The following EMILIN2 variants were observed in gnomAD, a reference collection of about 807,000 sequenced individuals.
The protein encoded by EMILIN2 is EMILIN-2.
EMILIN2 carries 71 observed loss-of-function variants against 87.1 expected under a neutral mutation model. That is an observed-to-expected ratio of 0.82 (90% CI 0.67 to 0.99). The LOEUF (loss-of-function observed/expected upper bound fraction) is 0.99. EMILIN2 is among the 50% of genes least tolerant of loss of function. EMILIN2 has a pLI of 0.00. For synonymous variants in EMILIN2, 581 were observed against 563.4 expected (o/e 1.03, Z -0.44); for missense variants, 1,407 against 1,371.8 (o/e 1.03, Z -0.40).
At chr18:2,873,744 G>GA in intron 2 of EMILIN2, among the ~76,000 whole-genome samples, 1 of 152,066 alleles carries the variant, frequency 6.6e-6, no homozygotes, top group East Asian at 1.9e-4. Flanking sequence ...TTAAAAAATG[G>GA]AAAAAATCGT....
rs182394578 is a variant in EMILIN2 at position 2,905,322 on chromosome 18, T to C, written c.2360-1461T>C. Among the ~76,000 whole-genome samples the C allele has an allele frequency of 1.1e-3, 155 of 147,182 alleles. 2 individuals are homozygous for C. In the East Asian group the frequency reaches 0.028, roughly 26 times the overall value. On this transcript the variant is annotated intron_variant, in intron 4 of 7. Transcript: ENST00000254528. ...GGGCGGGGGGGGGGCATGTATTTGATCTGCCATATTTATCTTAGTTTTATT... is the reference window on the plus strand; with the variant it reads ...GGGCGGGGGGGGGGCATGTATTTGACCTGCCATATTTATCTTAGTTTTATT...
intron 5 of EMILIN2, among the ~76,000 whole-genome samples, chr18:2,908,297 G>GCCAC: frequency 6.6e-6 from 1 of 151,986 alleles, no homozygotes; most frequent in South Asian, 2.1e-4. Context: ...CTTCCATCCA[G>GCCAC]CCACCCACCC....
intron 4 of EMILIN2, among the ~76,000 whole-genome samples, chr18:2,896,574 A>G (rs966675383): frequency 6.6e-6 from 1 of 152,204 alleles, no homozygotes; most frequent in African/African-American, 2.4e-5. Flanking sequence ...TCCTAGGTTC[A>G]GGTGATCCTC....
chr18:2,883,477 A>G (rs1398652536), intron 2 of EMILIN2, among the ~76,000 whole-genome samples: 1 of 152,232 alleles, frequency 6.6e-6, no homozygotes, highest in East Asian at 1.9e-4. Context: ...GAGGAGCTGA[A>G]GAGCTTCAAG....
In EMILIN2 at chr18:2,894,249, G is replaced by C. The variant is rs1391716448; in HGVS notation, c.2359+1763G>C. ...GGTCCTGGCAGCTCAGGAGGGTGGA[G>C]AGGGTCCGAGGTAGGTGGGAAAATG... On this transcript the variant is annotated intron_variant, in intron 4 of 7. Coordinates refer to ENST00000254528, the MANE Select transcript of EMILIN2 (RefSeq NM_032048.3). This position sits in a 1 kb window ranked among gnomAD's most constrained non-coding sequence, Gnocchi z 5.0. Among the ~76,000 whole-genome samples the C allele has an allele frequency of 6.6e-6, 1 of 152,160 alleles. No individual in the cohort carries two copies. The highest frequency in any genetic ancestry group is 1.9e-4 in the East Asian group (1 of 5,194).
At chr18:2,905,145 T>C (rs191710755) in intron 4 of EMILIN2, among the ~76,000 whole-genome samples, 48 of 152,070 alleles carry the variant, frequency 3.2e-4, no homozygotes, top group African/African-American at 1.1e-3. Context: ...GTATCTAGAA[T>C]GGAATTAGCT....
In EMILIN2 at chr18:2,891,442, G is replaced by T. The variant is rs1347750948; in HGVS notation, c.1315G>T (p.Val439Phe). The change falls in exon 4 of 8, where the codon GTT becomes TTT. Residue 439 changes from valine (V) to phenylalanine (F), a missense_variant. Val to Phe is a conservative substitution (Grantham distance 50, BLOSUM62 -1). Coordinates refer to ENST00000254528, the MANE Select transcript of EMILIN2 (RefSeq NM_032048.3). This position sits in a 1 kb window ranked among gnomAD's most constrained non-coding sequence, Gnocchi z 4.6. ...GGACAATGAGTTTGACCGCCTTATA[G>T]TTCCAGAGCCAGATGTGGATTTTGA... The part of the protein sequence containing the change: ...RLDNEFDRLI[V>F]PEPDVDFDAK... 5.0e-6 allele frequency: 8 copies of T among 1,614,210 alleles called. No homozygotes were observed. In the South Asian group the frequency reaches 8.8e-5, roughly 18 times the overall value.
chr18:2,870,415 T>C (rs1216297908), intron 2 of EMILIN2, among the ~76,000 whole-genome samples: 2 of 152,238 alleles, frequency 1.3e-5, no homozygotes, highest in African/African-American at 4.8e-5. Context: ...ATTAAACAAA[T>C]ATTTTTGTTC....
intron 4 of EMILIN2, among the ~76,000 whole-genome samples, chr18:2,893,871 A>G (rs575889058): frequency 6.6e-6 from 1 of 152,200 alleles, no homozygotes; most frequent in South Asian, 2.1e-4. Context: ...GCGTCCAAGA[A>G]TTGTTTTCTT....
Position 2,890,948 on chromosome 18 carries a change from A to G in EMILIN2, c.821A>G (p.Lys274Arg), listed in dbSNP as rs150417410. The G allele has an allele frequency of 1.3e-4, 207 of 1,614,178 alleles. No homozygotes were observed. The African/African-American group carries it at 2.6e-3, about 20-fold the overall frequency. ...SELAEVKDTL[K>R]NKSDKLEELD... ...TTGGCTGAAGTCAAAGATACTCTAA[A>G]GAACAAAAGTGACAAGCTGGAAGAG... Residue 274 changes from lysine (K) to arginine (R), a missense_variant, in exon 4 of 8, where the codon AAG (lysine) becomes AGG (arginine). Lys to Arg is a conservative substitution (Grantham distance 26). Transcript: ENST00000254528. This position sits in a 1 kb window ranked among gnomAD's most constrained non-coding sequence, Gnocchi z 4.7.
chr18:2,913,345 G>C lies in EMILIN2; in HGVS notation c.3103G>C (p.Asp1035His). The change falls in exon 8 of 8, where the codon GAT becomes CAT. Residue 1035 changes from aspartate to histidine, a missense_variant. Asp to His is a moderately conservative substitution (Grantham distance 81, BLOSUM62 -1). Transcript: ENST00000254528. ...TGGKLAHTDF[D>H]EMYSTFSGVF... ...GGGCAAGCTGGCTCACACAGACTTTGATGAAATGTACTCCACATTTAGTGG... is the reference window on the plus strand; with the variant it reads ...GGGCAAGCTGGCTCACACAGACTTTCATGAAATGTACTCCACATTTAGTGG... The C allele has an allele frequency of 6.2e-7, 1 of 1,612,486 alleles. No individual in the cohort carries two copies. Among genetic ancestry groups the C allele is most frequent in the East Asian group, 2.2e-5 (1 of 44,870 alleles).
intron 2 of EMILIN2, among the ~76,000 whole-genome samples, chr18:2,872,885 ATATTT>A (rs2076727220): frequency 1.3e-5 from 2 of 152,182 alleles, no homozygotes; most frequent in Admixed American, 1.3e-4. Context: ...GTCTGGTTTT[ATATTT>A]TATTTGCAAA....
chr18:2,908,840 G>A (rs566884351), intron 5 of EMILIN2, 103 bp from the exon 6 acceptor site: 4 of 1,362,100 alleles, frequency 2.9e-6, no homozygotes, highest in Admixed American at 1.7e-5. Context: ...TAGTAGTGAA[G>A]ACTCGATTTG....
chr18:2,906,702 C>A, intron 4 of EMILIN2, 81 bp from the exon 5 acceptor site: 1 of 1,113,182 alleles, frequency 9.0e-7, no homozygotes, highest in Non-Finnish European at 1.1e-6. Context: ...CTCGCCGGGA[C>A]TCATGGAGGG....
In EMILIN2 at chr18:2,847,472, G is replaced by C. The variant is rs1048582489; in HGVS notation, c.134+150G>C. 1 of 983,100 alleles carries C rather than the reference G, an allele frequency of 1.0e-6. No individual in the cohort carries two copies. Among genetic ancestry groups the C allele is most frequent in the Non-Finnish European group, 1.3e-6 (1 of 750,696 alleles). The allele number at this position is 983,100 out of a possible 1,614,324, so 60.9% of individuals were successfully genotyped here. On this transcript the variant is annotated intron_variant, in intron 1 of 7. Coordinates refer to ENST00000254528, the MANE Select transcript of EMILIN2 (RefSeq NM_032048.3). This position sits in a 1 kb window ranked among gnomAD's most constrained non-coding sequence, Gnocchi z 4.5. ...CGGCTCCCTCTGCGGGGGACCGCGC[G>C]CTCCGCAGCCGGCGCCTCAGGCAGA... is the stretch of plus-strand genomic sequence containing the variant.
intron 2 of EMILIN2, among the ~76,000 whole-genome samples, chr18:2,856,024 A>T (rs960223002): frequency 6.6e-6 from 1 of 152,198 alleles, no homozygotes; most frequent in African/African-American, 2.4e-5. Context: ...CACGGTTGAA[A>T]TCGTTAAATT....
At chr18:2,856,655 G>A (rs2076629025) in intron 2 of EMILIN2, among the ~76,000 whole-genome samples, 1 of 152,160 alleles carries the variant, frequency 6.6e-6, no homozygotes. Context: ...CCGTACCAGT[G>A]GTGAGGTTCC....
At chr18:2,881,402 A>G (rs1312546028) in intron 2 of EMILIN2, among the ~76,000 whole-genome samples, 1 of 151,942 alleles carries the variant, frequency 6.6e-6, no homozygotes, top group African/African-American at 2.4e-5. Flanking sequence ...AGTGGGGAAC[A>G]TGTGTAGAGT....
At chr18:2,897,070 A>C (rs1000913925) in intron 4 of EMILIN2, among the ~76,000 whole-genome samples, 8 of 152,214 alleles carry the variant, frequency 5.3e-5, no homozygotes, top group Non-Finnish European at 1.0e-4. Context: ...AAAAACCCAG[A>C]ATAGTGGTAT....
Sources: gnomAD v4.1 joint callset for allele counts (sites outside exome capture counted in the v4.1 genomes callset) on GRCh38, gnomAD v4.1.1 for gene constraint, Gnocchi (gnomAD v3.1) non-coding constraint, MANE v1.5 for transcripts, NCBI Gene and HGNC (gene_info 2026-07-23, HGNC 2026-07-21) for gene names.